Variants in RYR2 observed in about 807,000 individuals in gnomAD.
The protein encoded by RYR2 is ryanodine receptor 2, also known as cardiac muscle ryanodine receptor-calcium release channel.
In RYR2, 227 loss-of-function variants were observed where a neutral mutation model predicts 601.1. The ratio of observed to expected loss-of-function variants is 0.38; its 90% confidence interval spans 0.34 to 0.42. The LOEUF (loss-of-function observed/expected upper bound fraction) is 0.42. RYR2 is among the 10% of genes least tolerant of loss of function. The pLI, the probability that RYR2 is intolerant of heterozygous loss-of-function variation, is 1.00. For missense variants in RYR2, 4,646 were observed against 6,156.5 expected (o/e 0.75, Z 8.21); for synonymous variants, 2,223 against 2,175.1 (o/e 1.02, Z -0.61).
intron 95 of RYR2, among the ~76,000 whole-genome samples, chr1:237,794,214 G>T (rs1558429984): frequency 6.6e-6 from 1 of 152,084 alleles, no homozygotes; most frequent in African/African-American, 2.4e-5. Context: ...ATTAAAAATG[G>T]CTTAGAGTTC....
At chr1:237,237,926 C>CCCTTTCCCTTTCCCCTTT (rs1685728052) in intron 1 of RYR2, among the ~76,000 whole-genome samples, 1 of 56,400 alleles carries the variant, frequency 1.8e-5, no homozygotes, top group African/African-American at 4.5e-5. Context: ...TTTTCCCTTT[C>CCCTTTCCCTTTCCCCTTT]CCTTTCCCCT....
At chr1:237,509,802 A>G (rs1488472320) in intron 23 of RYR2, among the ~76,000 whole-genome samples, 1 of 152,210 alleles carries the variant, frequency 6.6e-6, no homozygotes, top group Non-Finnish European at 1.5e-5. Context: ...ATTTGATCCA[A>G]GACTGAGGGA....
intron 1 of RYR2, among the ~76,000 whole-genome samples, chr1:237,190,605 CAATAAAAAATACA>C (rs1466963767): frequency 1.3e-5 from 2 of 152,038 alleles, no homozygotes; most frequent in South Asian, 4.2e-4. Flanking sequence ...AACGACACAA[CAATAAAAAATACA>C]AATAAAAAAT....
At chr1:237,632,075 C>T (rs1680391685) in intron 42 of RYR2, among the ~76,000 whole-genome samples, 1 of 151,610 alleles carries the variant, frequency 6.6e-6, no homozygotes, top group Admixed American at 6.6e-5. Context: ...TAAAAATTTC[C>T]TGTCTTATAC....
chr1:237,191,000 C>T (rs897919331), intron 1 of RYR2, among the ~76,000 whole-genome samples: 1 of 152,218 alleles, frequency 6.6e-6, no homozygotes, highest in Non-Finnish European at 1.5e-5. Flanking sequence ...AACCCATTGT[C>T]TGGAAGCTTT....
rs537014845 is a variant in RYR2 at position 237,744,616 on chromosome 1, A to G, written c.11145+2267A>G. Among the ~76,000 whole-genome samples the G allele has an allele frequency of 2.6e-4, 39 of 151,926 alleles. 1 individual carries two copies. Among genetic ancestry groups the G allele is most frequent in the South Asian group, 8.3e-4 (4 of 4,822 alleles). Reference sequence around the variant, plus strand: ...GGTTGCAGTGAGCCGAGATTGCTCCATTGCACTCCAGCCTGGGCGACAAGA... The same window carrying G: ...GGTTGCAGTGAGCCGAGATTGCTCCGTTGCACTCCAGCCTGGGCGACAAGA... On this transcript the variant is annotated intron_variant, in intron 80 of 104. Transcript: ENST00000366574.
chr1:237,555,844 T>G (rs754979604), intron 27 of RYR2, among the ~76,000 whole-genome samples: 8 of 152,120 alleles, frequency 5.3e-5, no homozygotes, highest in Admixed American at 1.3e-4. Context: ...AGGAAAGAGT[T>G]AATTATGGTC....
intron 1 of RYR2, among the ~76,000 whole-genome samples, chr1:237,143,524 C>T (rs1673617359): frequency 6.6e-6 from 1 of 152,172 alleles, no homozygotes; most frequent in Non-Finnish European, 1.5e-5. Flanking sequence ...CCATAACTGT[C>T]CAGTATGGAA....
chr1:237,561,522 G>A (rs968653536), intron 27 of RYR2, among the ~76,000 whole-genome samples: 6 of 152,164 alleles, frequency 3.9e-5, no homozygotes, highest in African/African-American at 1.4e-4. Context: ...TGTCAGAAAG[G>A]CCATCGCTAC....
At position 237,602,070 on chromosome 1, in the gene RYR2, A is replaced by G; in HGVS notation, c.4642A>G (p.Thr1548Ala). 6.2e-7 allele frequency: 1 copy of G among 1,613,208 alleles called. No individual in the cohort carries two copies. The highest frequency in any genetic ancestry group is 8.5e-7 in the Non-Finnish European group (1 of 1,179,484). The change falls in exon 35 of 105, where the codon ACA becomes GCA. Residue 1548 changes from threonine to alanine, a missense_variant. Physicochemically the swap from Thr to Ala is moderately conservative, Grantham distance 58. Coordinates refer to ENST00000366574, the MANE Select transcript of RYR2 (RefSeq NM_001035.3). ...ATTTCCTGCGGTTTTTGCACAAGCTACAAGTCCCAATGTTTTCCAGTTTGA... is the reference window on the plus strand; with the variant it reads ...ATTTCCTGCGGTTTTTGCACAAGCTGCAAGTCCCAATGTTTTCCAGTTTGA... ...KLFPAVFAQA[T>A]SPNVFQFELG... is the part of the protein sequence containing the mutation.
At chr1:237,049,284 T>G (rs1215469143) in intron 1 of RYR2, among the ~76,000 whole-genome samples, 2 of 152,182 alleles carry the variant, frequency 1.3e-5, no homozygotes, top group African/African-American at 4.8e-5. Context: ...TGAGCAGCTG[T>G]CAGGGGGTGA....
At chr1:237,786,118 G>T in intron 91 of RYR2, 82 bp downstream of exon 91, 1 of 859,992 alleles carries the variant, frequency 1.2e-6, no homozygotes, top group Non-Finnish European at 1.9e-6. Flanking sequence ...TTTGGGAGCT[G>T]CAAGGGAGAA....
In RYR2 at chr1:237,725,242, T is replaced by C. The variant is rs1199584633; in HGVS notation, c.10690-1031T>C. ...TCAGAGTTTTTCAAACTGTTAAGAA[T>C]ATGGCGAGATTGGTTTATCATGAGA... On this transcript the variant is annotated intron_variant, in intron 74 of 104. Transcript: ENST00000366574. Among the ~76,000 whole-genome samples, 5 of 152,248 alleles carry C rather than the reference T, an allele frequency of 3.3e-5. No homozygotes were observed. In the South Asian group the frequency reaches 8.3e-4, roughly 25 times the overall value.
At chr1:237,661,597 A>G (rs1348953744) in intron 56 of RYR2, among the ~76,000 whole-genome samples, 1 of 152,202 alleles carries the variant, frequency 6.6e-6, no homozygotes, top group Non-Finnish European at 1.5e-5. Context: ...TAGTTTGTCT[A>G]TAGGGCTTTC....
At chr1:237,185,248 C>T (rs1679221190) in intron 1 of RYR2, among the ~76,000 whole-genome samples, 1 of 152,140 alleles carries the variant, frequency 6.6e-6, no homozygotes, top group South Asian at 2.1e-4. Flanking sequence ...AATCCTCCTA[C>T]CTTGGCCTCC....
At chr1:237,185,040 T>A (rs1314411071) in intron 1 of RYR2, among the ~76,000 whole-genome samples, 1 of 152,002 alleles carries the variant, frequency 6.6e-6, no homozygotes, top group African/African-American at 2.4e-5. Flanking sequence ...TGGCTAATCT[T>A]ATTTTTTGTA....
At chr1:237,307,979 G>C (rs1321152424) in intron 2 of RYR2, among the ~76,000 whole-genome samples, 6 of 151,850 alleles carry the variant, frequency 4.0e-5, no homozygotes, top group African/African-American at 1.4e-4. Context: ...TTGACTGAGG[G>C]CTAGGAAAAT....
chr1:237,389,001 A>C (rs764451411), intron 10 of RYR2, among the ~76,000 whole-genome samples: 83 of 152,102 alleles, frequency 5.5e-4, no homozygotes, highest in Non-Finnish European at 7.9e-4. Context: ...GAGTCATTTA[A>C]CCAGCTGCAT....
At chr1:237,297,910 C>T (rs1175299585) in intron 2 of RYR2, among the ~76,000 whole-genome samples, 1 of 148,162 alleles carries the variant, frequency 6.7e-6, no homozygotes, top group Non-Finnish European at 1.5e-5. Context: ...GCTACCATAT[C>T]TGGCTAATTT....
Sources: gnomAD v4.1 joint callset for allele counts (sites outside exome capture counted in the v4.1 genomes callset) on GRCh38, gnomAD v4.1.1 for gene constraint, MANE v1.5 for transcripts, NCBI Gene and HGNC (gene_info 2026-07-23, HGNC 2026-07-21) for gene names.